The following GRID2 variants were observed in gnomAD, a reference collection of about 807,000 sequenced individuals.
GRID2 encodes glutamate receptor ionotropic, delta-2.
In GRID2, 33 loss-of-function variants were observed where a neutral mutation model predicts 114.8. The ratio of observed to expected loss-of-function variants is 0.29; its 90% CI spans 0.22 to 0.38. The LOEUF (loss-of-function observed/expected upper bound fraction) is 0.38. Among genes scored for constraint, GRID2 ranks in the 10% least tolerant of loss-of-function variants. The probability of loss-of-function intolerance (pLI) is 1.00; values close to 1 mark genes in which losing one functional copy is unlikely to be tolerated. For missense variants in GRID2, 1,184 were observed against 1,257.7 expected (o/e 0.94, Z 0.89); for synonymous variants, 505 against 449.9 (o/e 1.12, Z -1.55).
chr4:93,398,133 G>GTGTGTGTGTATGTATATATATATATATA lies in GRID2; in HGVS notation c.1347+2426_1347+2427insGTGTGTGTATGTATATATATATATATAT. 4.5e-4 allele frequency among the ~76,000 whole-genome samples: 55 copies of GTGTGTGTGTATGTATATATATATATATA among 122,354 alleles called. 4 individuals are homozygous for GTGTGTGTGTATGTATATATATATATATA. The highest frequency in any genetic ancestry group is 1.8e-3 in the African/African-American group (47 of 25,920). The allele number at this position is 122,354 out of a possible 152,430, so 80.3% of individuals were successfully genotyped here. On this transcript the variant is annotated intron_variant, in intron 9 of 15. Transcript: ENST00000282020. ...GAAATACATACATGTATGTGTGTGT[G>GTGTGTGTGTATGTATATATATATATATA]TATATATATATATATATATCTTATC...
intron 4 of GRID2, among the ~76,000 whole-genome samples, chr4:93,199,024 A>C (rs187808985): frequency 6.6e-6 from 1 of 152,304 alleles, no homozygotes; most frequent in Non-Finnish European, 1.5e-5. Context: ...ATTAAAAAAT[A>C]ATAGCTACAA....
intron 12 of GRID2, among the ~76,000 whole-genome samples, chr4:93,498,506 TATTC>T (rs1209873231): frequency 6.6e-6 from 1 of 151,916 alleles, no homozygotes; most frequent in Non-Finnish European, 1.5e-5. Context: ...AATTTTCACA[TATTC>T]ATTACTAGGA....
At chr4:93,078,823 TATA>T (rs1177994263) in intron 2 of GRID2, among the ~76,000 whole-genome samples, 5 of 146,922 alleles carry the variant, frequency 3.4e-5, no homozygotes, top group Non-Finnish European at 7.5e-5. Flanking sequence ...ATATACTAAA[TATA>T]ATTATATTTA....
At chr4:93,019,459 T>C (rs933298838) in intron 2 of GRID2, among the ~76,000 whole-genome samples, 7 of 152,212 alleles carry the variant, frequency 4.6e-5, no homozygotes, top group Non-Finnish European at 8.8e-5. Flanking sequence ...ATTGCTGTGA[T>C]CAGTTCTATG....
chr4:92,823,198 A>G (rs1013006728), intron 2 of GRID2, among the ~76,000 whole-genome samples: 2 of 152,164 alleles, frequency 1.3e-5, no homozygotes, highest in African/African-American at 4.8e-5. Context: ...AGTCACATAT[A>G]TATGGAGAAA....
At chr4:93,333,555 A>T (rs1758722340) in intron 8 of GRID2, among the ~76,000 whole-genome samples, 2 of 152,328 alleles carry the variant, frequency 1.3e-5, no homozygotes, top group East Asian at 3.9e-4. Flanking sequence ...CCTGTCATAC[A>T]GGCATGGTTC....
intron 2 of GRID2, among the ~76,000 whole-genome samples, chr4:92,704,727 C>CTCTCTCTCTCTCTCTT (rs1215702327): frequency 1.4e-4 from 20 of 145,468 alleles, no homozygotes; most frequent in African/African-American, 4.6e-4. Flanking sequence ...CTCTCTTTCT[C>CTCTCTCTCTCTCTCTT]TCTCTCTCTC....
At chr4:92,402,098 C>T (rs1243122301) in intron 1 of GRID2, among the ~76,000 whole-genome samples, 1 of 152,130 alleles carries the variant, frequency 6.6e-6, no homozygotes, top group Non-Finnish European at 1.5e-5. Context: ...TAAGAAGCTA[C>T]TTCTTATCTA....
At position 92,836,091 on chromosome 4, in the gene GRID2, T is replaced by G. The variant is rs1017789088; in HGVS notation, c.244+245805T>G. Among the ~76,000 whole-genome samples, 37 of 152,294 alleles carry G rather than the reference T, an allele frequency of 2.4e-4. 1 individual carries two copies. The highest frequency in any genetic ancestry group is 2.4e-3 in the Admixed American group (37 of 15,270). ...TCTTCTTTTTGTAAATAGCTTTTTT[T>G]GGAACAGAGCTACTGCCATTTATTT... On this transcript the variant is annotated intron_variant, in intron 2 of 15. Transcript: ENST00000282020.
chr4:93,378,382 G>C (rs1763562227), intron 8 of GRID2, among the ~76,000 whole-genome samples: 1 of 151,982 alleles, frequency 6.6e-6, no homozygotes, highest in Non-Finnish European at 1.5e-5. Context: ...AATCAACCTT[G>C]TTAAATCTAT....
intron 2 of GRID2, among the ~76,000 whole-genome samples, chr4:92,731,597 T>TTA (rs1736330992): frequency 6.6e-6 from 1 of 151,996 alleles, no homozygotes; most frequent in Non-Finnish European, 1.5e-5. Context: ...TTGTTTGGTG[T>TTA]TAGCCTAAGT....
At chr4:92,532,076 A>G (rs906963520) in intron 1 of GRID2, among the ~76,000 whole-genome samples, 8 of 152,258 alleles carry the variant, frequency 5.3e-5, no homozygotes, top group Middle Eastern at 6.8e-3. Context: ...AGTGGCCACT[A>G]GCATTTTTGG....
intron 2 of GRID2, among the ~76,000 whole-genome samples, chr4:92,697,984 G>C (rs1046333542): frequency 5.3e-5 from 8 of 152,060 alleles, no homozygotes; most frequent in Non-Finnish European, 1.2e-4. Context: ...TTTAATTTTT[G>C]ATAAGGAGTT....
At chr4:93,423,029 A>G in intron 10 of GRID2, 61 bp downstream of exon 10, 1 of 1,170,034 alleles carries the variant, frequency 8.5e-7, no homozygotes, top group Admixed American at 1.8e-5. Context: ...TCTCATACCT[A>G]AAGGTTCAAC....
chr4:92,626,128 T>A (rs948804288), intron 2 of GRID2, among the ~76,000 whole-genome samples: 1 of 151,984 alleles, frequency 6.6e-6, no homozygotes, highest in Non-Finnish European at 1.5e-5. Flanking sequence ...AATCACTCAT[T>A]TAAGTCCAAC....
At chr4:92,447,611 C>T (rs993368212) in intron 1 of GRID2, among the ~76,000 whole-genome samples, 1 of 152,182 alleles carries the variant, frequency 6.6e-6, no homozygotes, top group African/African-American at 2.4e-5. Context: ...ATCATAAACT[C>T]GATAGCTTAT....
intron 8 of GRID2, among the ~76,000 whole-genome samples, chr4:93,365,007 T>C (rs985422340): frequency 2.0e-5 from 3 of 152,176 alleles, no homozygotes; most frequent in African/African-American, 7.2e-5. Flanking sequence ...TGTTTTCTTT[T>C]CTCATATTAT....
At chr4:92,970,742 A>C (rs560287904) in intron 2 of GRID2, among the ~76,000 whole-genome samples, 3 of 151,960 alleles carry the variant, frequency 2.0e-5, no homozygotes, top group Non-Finnish European at 4.4e-5. Context: ...TTATTTCCAA[A>C]TATTTATGTT....
intron 2 of GRID2, among the ~76,000 whole-genome samples, chr4:92,747,881 C>T (rs774032349): frequency 6.6e-6 from 1 of 152,124 alleles, no homozygotes; most frequent in African/African-American, 2.4e-5. Flanking sequence ...ACATGGACTC[C>T]TGAGACATAG....
Sources: gnomAD v4.1 joint callset for allele counts (sites outside exome capture counted in the v4.1 genomes callset) on GRCh38, gnomAD v4.1.1 for gene constraint, MANE v1.5 for transcripts, NCBI Gene and HGNC (gene_info 2026-07-23, HGNC 2026-07-21) for gene names.